TBC1D5: variants seen among roughly 807,000 people sequenced by gnomAD.
The protein encoded by TBC1D5 is TBC1 domain family, member 5.
TBC1D5 carries 75 observed loss-of-function variants against 100.3 expected under a neutral mutation model. The ratio of observed to expected loss-of-function variants is 0.75; its 90% CI spans 0.62 to 0.91. The LOEUF (loss-of-function observed/expected upper bound fraction) is 0.91, where lower values mean the gene tolerates loss of function less well. TBC1D5 is among the 40% of genes least tolerant of loss of function. The pLI is 0.00. For synonymous variants in TBC1D5, 323 were observed against 325.6 expected (o/e 0.99, Z 0.09); for missense variants, 910 against 942.4 (o/e 0.97, Z 0.45).
chr3:17,345,262 T>C (rs1324413430), intron 13 of TBC1D5, among the ~76,000 whole-genome samples: 2 of 152,108 alleles, frequency 1.3e-5, no homozygotes, highest in Non-Finnish European at 2.9e-5. Flanking sequence ...GGGCAAAGGA[T>C]ATGAACAGAC....
At chr3:17,339,515 G>T (rs1023411568) in intron 13 of TBC1D5, among the ~76,000 whole-genome samples, 1 of 152,188 alleles carries the variant, frequency 6.6e-6, no homozygotes, top group East Asian at 1.9e-4. Context: ...TGACATGTGT[G>T]TTTAAACAAA....
intron 2 of TBC1D5, among the ~76,000 whole-genome samples, chr3:17,589,116 G>A (rs1284669820): frequency 6.6e-6 from 1 of 152,154 alleles, no homozygotes; most frequent in African/African-American, 2.4e-5. Flanking sequence ...GTTCATTCAA[G>A]TACAATACAA....
At chr3:17,346,603 T>C (rs2089913204) in intron 13 of TBC1D5, among the ~76,000 whole-genome samples, 3 of 152,132 alleles carry the variant, frequency 2.0e-5, no homozygotes. Context: ...CATCAACATC[T>C]CCTTAATGGG....
chr3:17,303,583 G>T (rs1404288354), intron 14 of TBC1D5, among the ~76,000 whole-genome samples: 1 of 152,000 alleles, frequency 6.6e-6, no homozygotes, highest in African/African-American at 2.4e-5. Flanking sequence ...TCCCCTTCAC[G>T]TACTCCAACC....
chr3:17,276,440 T>C (rs970510379), intron 15 of TBC1D5, among the ~76,000 whole-genome samples: 8 of 152,156 alleles, frequency 5.3e-5, no homozygotes, highest in Non-Finnish European at 1.2e-4. Context: ...AGGATGGATG[T>C]CAGTCTTGTA....
intron 13 of TBC1D5, among the ~76,000 whole-genome samples, chr3:17,325,742 G>T (rs1175107031): frequency 6.6e-6 from 1 of 152,292 alleles, no homozygotes; most frequent in Admixed American, 6.5e-5. Flanking sequence ...ACAGATCAAT[G>T]ATTACCAGGG....
At chr3:17,294,084 C>A (rs2082014493) in intron 14 of TBC1D5, among the ~76,000 whole-genome samples, 1 of 152,182 alleles carries the variant, frequency 6.6e-6, no homozygotes, top group Non-Finnish European at 1.5e-5. Context: ...AATCAAGAGA[C>A]ATAATGGATG....
intron 13 of TBC1D5, among the ~76,000 whole-genome samples, chr3:17,327,438 C>T (rs2086285593): frequency 6.6e-6 from 1 of 152,198 alleles, no homozygotes; most frequent in African/African-American, 2.4e-5. Flanking sequence ...CTTACTCAAC[C>T]TAGTTGTACC....
chr3:17,741,800 A>ATT (rs779385615), upstream of TBC1D5, among the ~76,000 whole-genome samples: 910 of 47,928 alleles, frequency 0.019, 69 homozygotes, highest in African/African-American at 0.044. Flanking sequence ...CTCCCTGCGA[A>ATT]TTTTTTTTTT....
chr3:17,536,354 T>G (rs2096281379), intron 2 of TBC1D5, among the ~76,000 whole-genome samples: 2 of 152,178 alleles, frequency 1.3e-5, no homozygotes, highest in Admixed American at 6.5e-5. Flanking sequence ...GCCATCAAAA[T>G]TAGAAGTACA....
At chr3:17,342,392 C>G (rs1390238439) in intron 13 of TBC1D5, among the ~76,000 whole-genome samples, 1 of 152,190 alleles carries the variant, frequency 6.6e-6, no homozygotes, top group Non-Finnish European at 1.5e-5. Flanking sequence ...TCCATTGCTA[C>G]ACATGCCTCT....
chr3:17,311,110 T>G (rs1393904931), intron 13 of TBC1D5, among the ~76,000 whole-genome samples: 1 of 152,006 alleles, frequency 6.6e-6, no homozygotes, highest in Non-Finnish European at 1.5e-5. Flanking sequence ...CCCTAAGAAA[T>G]GAGGTCTTGT....
chr3:17,740,370 T>TA (rs992963637), exon 1 of TBC1D5: 1 of 151,864 alleles, frequency 6.6e-6, no homozygotes, highest in African/African-American at 2.4e-5. Context: ...GTAAAGCACT[T>TA]ACAACAGTGT....
chr3:17,267,225 C>T (rs927528017), intron 15 of TBC1D5, among the ~76,000 whole-genome samples: 1 of 152,014 alleles, frequency 6.6e-6, no homozygotes, highest in African/African-American at 2.4e-5. Flanking sequence ...TAACATACCC[C>T]CTACCCTCAG....
intron 2 of TBC1D5, among the ~76,000 whole-genome samples, chr3:17,547,842 T>C (rs878983326): frequency 1.3e-5 from 2 of 152,254 alleles, no homozygotes; most frequent in Admixed American, 6.5e-5. Flanking sequence ...ATCTCAATTA[T>C]ACTTCCTCAC....
At chr3:17,184,196 G>C in intron 19 of TBC1D5, among the ~76,000 whole-genome samples, 1 of 152,210 alleles carries the variant, frequency 6.6e-6, no homozygotes, top group East Asian at 1.9e-4. Flanking sequence ...ATGCAGAGCA[G>C]TGCCTGAAGA....
intron 1 of TBC1D5, among the ~76,000 whole-genome samples, chr3:17,689,210 A>C (rs1201979552): frequency 1.3e-5 from 2 of 152,196 alleles, no homozygotes; most frequent in African/African-American, 2.4e-5. Flanking sequence ...AAAAAGTGAA[A>C]TAGATGGACC....
chr3:17,635,664 GA>G (rs575863503), intron 1 of TBC1D5, among the ~76,000 whole-genome samples: 4 of 148,300 alleles, frequency 2.7e-5, no homozygotes, highest in African/African-American at 4.9e-5. Flanking sequence ...GGCAACAAGA[GA>G]AAAAAAAAAT....
chr3:17,627,599 T>C (rs1214390100), intron 1 of TBC1D5, among the ~76,000 whole-genome samples: 2 of 150,940 alleles, frequency 1.3e-5, no homozygotes, highest in East Asian at 1.9e-4. Context: ...TTACCCAACA[T>C]TGTTAAACAA....
Sources: gnomAD v4.1 joint callset for allele counts (sites outside exome capture counted in the v4.1 genomes callset) on GRCh38, gnomAD v4.1.1 for gene constraint, MANE v1.5 for transcripts, NCBI Gene and HGNC (gene_info 2026-07-23, HGNC 2026-07-21) for gene names.